Variants in EFR3A observed in about 807,000 individuals in gnomAD.
EFR3A encodes the protein protein EFR3 homolog A.
A neutral mutation model predicts 104.4 loss-of-function variants in EFR3A; 76 were observed. That is an observed-to-expected ratio of 0.73 (90% CI 0.60 to 0.88). The LOEUF is 0.88. Ranked by LOEUF, EFR3A falls within the 40% of genes least tolerant of loss-of-function variation. EFR3A has a pLI of 0.00. For synonymous variants in EFR3A, 330 were observed against 330.0 expected, an observed-to-expected ratio of 1.00 and a Z score of 0.00; for missense variants, 985 against 1,012.5, an observed-to-expected ratio of 0.97 and a Z score of 0.37.
intron 8 of EFR3A, among the ~76,000 whole-genome samples, chr8:131,968,024 T>C (rs1261536944): frequency 6.6e-6 from 1 of 152,140 alleles, no homozygotes. Flanking sequence ...TTATATATAA[T>C]TTTAATTTAC....
intron 1 of EFR3A, chr8:131,940,167 A>G: frequency 3.8e-6 from 1 of 262,780 alleles, no homozygotes; most frequent in Non-Finnish European, 7.4e-6. Flanking sequence ...AGTGGATTGC[A>G]ACAGGTGGGT....
chr8:131,957,777 G>A (rs1048860738), intron 7 of EFR3A, among the ~76,000 whole-genome samples: 3 of 152,084 alleles, frequency 2.0e-5, no homozygotes, highest in Non-Finnish European at 4.4e-5. Context: ...TTATTTGATC[G>A]AGTAAAGAAA....
chr8:131,963,592 CA>C (rs1284654442), intron 8 of EFR3A, among the ~76,000 whole-genome samples: 1 of 151,932 alleles, frequency 6.6e-6, no homozygotes, highest in Non-Finnish European at 1.5e-5. Flanking sequence ...GCTTACCAAC[CA>C]AAAAAAGTCC....
intron 6 of EFR3A, among the ~76,000 whole-genome samples, chr8:131,954,618 A>G (rs1158477354): frequency 2.0e-5 from 3 of 150,456 alleles, no homozygotes; most frequent in African/African-American, 7.3e-5. Context: ...TAATAAGTTA[A>G]TAATAAATAA....
chr8:131,957,920 G>A (rs981607919), intron 7 of EFR3A, among the ~76,000 whole-genome samples: 1 of 152,126 alleles, frequency 6.6e-6, no homozygotes, highest in East Asian at 1.9e-4. Context: ...AAATGTTTAG[G>A]CTATACTGTA....
At chr8:131,952,370 T>A (rs151088852) in intron 5 of EFR3A, among the ~76,000 whole-genome samples, 258 of 152,282 alleles carry the variant, frequency 1.7e-3, no homozygotes, top group Non-Finnish European at 3.1e-3. Flanking sequence ...ATGTACTGAT[T>A]AGTCTAGATG....
At chr8:131,996,277 G>A (rs1449361830) in intron 18 of EFR3A, 129 bp from the exon 19 acceptor site, 1 of 571,272 alleles carries the variant, frequency 1.8e-6, no homozygotes, top group African/African-American at 2.0e-5. Flanking sequence ...TATGTATTTA[G>A]AAGGAACAAA....
chr8:131,934,191 CT>C (rs1817758490), intron 1 of EFR3A, among the ~76,000 whole-genome samples: 1 of 152,284 alleles, frequency 6.6e-6, no homozygotes, highest in East Asian at 1.9e-4. Context: ...TGTTTTCCCA[CT>C]TTTCTTTCAA....
At chr8:131,966,892 C>A (rs745618402) in intron 8 of EFR3A, among the ~76,000 whole-genome samples, 34 of 152,120 alleles carry the variant, frequency 2.2e-4, no homozygotes, top group Non-Finnish European at 2.9e-5. Context: ...TCCTTTCACT[C>A]CATATTCTTT....
intron 19 of EFR3A, among the ~76,000 whole-genome samples, chr8:131,999,516 A>G (rs1045033389): frequency 6.6e-5 from 10 of 152,228 alleles, no homozygotes; most frequent in Non-Finnish European, 1.0e-4. Context: ...GGGAATGTTG[A>G]AATTCCTTTA....
At chr8:131,970,325 C>CT in intron 9 of EFR3A, 151 bp from the exon 10 acceptor site, 1 of 761,416 alleles carries the variant, frequency 1.3e-6, no homozygotes, top group African/African-American at 1.8e-5. Context: ...CTCATTTACT[C>CT]TTTTTTAAAA....
At chr8:131,935,291 G>C (rs1817817991) in intron 1 of EFR3A, among the ~76,000 whole-genome samples, 1 of 152,072 alleles carries the variant, frequency 6.6e-6, no homozygotes, top group Admixed American at 6.6e-5. Flanking sequence ...TATTTATTTA[G>C]GAAAAAGCAT....
chr8:131,937,044 C>T (rs138141298), intron 1 of EFR3A, among the ~76,000 whole-genome samples: 147 of 152,210 alleles, frequency 9.7e-4, no homozygotes, highest in African/African-American at 3.3e-3. Flanking sequence ...CTGTGACTAA[C>T]CCACACCAGA....
intron 13 of EFR3A, 44 bp from the exon 14 acceptor site, chr8:131,979,302 A>G (rs1563685547): frequency 1.5e-6 from 2 of 1,346,496 alleles, no homozygotes; most frequent in Non-Finnish European, 2.1e-6. Context: ...GATATTGTAA[A>G]TAAGTGTGCT....
intron 22 of EFR3A, among the ~76,000 whole-genome samples, chr8:132,004,547 T>G (rs145205442): frequency 7.7e-4 from 117 of 152,316 alleles, no homozygotes; most frequent in African/African-American, 2.6e-3. Context: ...TCCACAAAAC[T>G]GGTCCCTGGT....
intron 1 of EFR3A, among the ~76,000 whole-genome samples, chr8:131,915,218 G>A (rs1816692249): frequency 6.6e-6 from 1 of 152,162 alleles, no homozygotes; most frequent in African/African-American, 2.4e-5. Context: ...TATGCCCTCT[G>A]ACAAGAATTT....
chr8:131,990,417 G>A (rs972458087), intron 18 of EFR3A, among the ~76,000 whole-genome samples: 1 of 152,158 alleles, frequency 6.6e-6, no homozygotes, highest in African/African-American at 2.4e-5. Flanking sequence ...TGAAACAGGT[G>A]TTAGGCAAGT....
At chr8:131,968,836 C>G (rs1361381750) in intron 9 of EFR3A, among the ~76,000 whole-genome samples, 1 of 152,108 alleles carries the variant, frequency 6.6e-6, no homozygotes, top group African/African-American at 2.4e-5. Context: ...AGGATTAGCA[C>G]AAGCAAAATT....
chr8:131,976,994 A>G (rs759856961), intron 11 of EFR3A, 47 bp from the exon 12 acceptor site: 1 of 1,283,678 alleles, frequency 7.8e-7, no homozygotes, highest in East Asian at 2.4e-5. Context: ...AAATGAAGTA[A>G]TATAAATGCT....
Sources: allele counts gnomAD v4.1 joint callset (sites outside exome capture counted in the v4.1 genomes callset), GRCh38; gene constraint gnomAD v4.1.1; transcripts MANE v1.5; gene names NCBI Gene and HGNC (gene_info 2026-07-23, HGNC 2026-07-21).